Variants in KIAA1549 observed in about 807,000 individuals in gnomAD.
The protein encoded by KIAA1549 is KIAA1549.
In KIAA1549, 70 loss-of-function variants were observed where a neutral mutation model predicts 156.4. The ratio of observed to expected loss-of-function variants is 0.45; its 90% CI spans 0.37 to 0.55. The LOEUF is 0.55. KIAA1549 is among the 20% of genes least tolerant of loss of function. The pLI is 0.00. For missense variants in KIAA1549, 2,428 were observed against 2,540.9 expected, an observed-to-expected ratio of 0.96 and a Z score of 0.96; for synonymous variants, 1,103 against 1,066.4, an observed-to-expected ratio of 1.03 and a Z score of -0.67.
chr7:138,862,567 C>G (rs1236691644), intron 15 of KIAA1549, among the ~76,000 whole-genome samples: 5 of 150,216 alleles, frequency 3.3e-5, no homozygotes, highest in African/African-American at 1.2e-4. Flanking sequence ...ATTACAATAT[C>G]TATTTTATGA....
intron 16 of KIAA1549, among the ~76,000 whole-genome samples, chr7:138,854,174 C>T (rs1219517644): frequency 6.6e-6 from 1 of 152,180 alleles, no homozygotes; most frequent in African/African-American, 2.4e-5. Context: ...TTTCAATCAG[C>T]TAGGTATATA....
In KIAA1549 at chr7:138,892,114, G is replaced by A. The variant is rs745959884; in HGVS notation, c.4032+2228C>T. ...TGTAAACCTGTTGTCAGGATGTATGGGCAGGTCTTTGCAGCCCTGAAGGAA... is the reference window on the plus strand; with the variant it reads ...TGTAAACCTGTTGTCAGGATGTATGAGCAGGTCTTTGCAGCCCTGAAGGAA... On this transcript the variant is annotated intron_variant, in intron 10 of 19. Coordinates refer to ENST00000422774, the MANE Select transcript of KIAA1549 (RefSeq NM_001164665.2). 1.5e-4 allele frequency among the ~76,000 whole-genome samples: 23 copies of A among 152,124 alleles called. 1 individual carries two copies. The highest frequency in any genetic ancestry group is 6.2e-4 in the South Asian group (3 of 4,832).
intron 10 of KIAA1549, among the ~76,000 whole-genome samples, chr7:138,891,528 C>A (rs1811546494): frequency 6.6e-6 from 1 of 152,170 alleles, no homozygotes; most frequent in South Asian, 2.1e-4. Flanking sequence ...TGAAAATAAG[C>A]AAAGGCTGTG....
intron 11 of KIAA1549, among the ~76,000 whole-genome samples, chr7:138,880,680 T>C (rs1255468323): frequency 1.3e-5 from 2 of 152,172 alleles, no homozygotes; most frequent in Non-Finnish European, 2.9e-5. Flanking sequence ...GTCAACTTAA[T>C]AAACCCGATT....
chr7:138,897,777 T>C (rs13228412), intron 9 of KIAA1549, among the ~76,000 whole-genome samples: 33,066 of 150,524 alleles, frequency 0.22, 3,956 homozygotes, highest in South Asian at 0.41. Context: ...ACTGTGGTCC[T>C]AGCTACTCAG....
intron 12 of KIAA1549, among the ~76,000 whole-genome samples, chr7:138,875,164 T>C (rs1490419889): frequency 3.9e-5 from 6 of 152,224 alleles, no homozygotes; most frequent in African/African-American, 1.4e-4. Context: ...GTGACAGATA[T>C]GCTAATTACC....
intron 1 of KIAA1549, among the ~76,000 whole-genome samples, chr7:138,935,059 A>G (rs1443112235): frequency 6.6e-6 from 1 of 152,108 alleles, no homozygotes; most frequent in Non-Finnish European, 1.5e-5. Flanking sequence ...CACCCCTTCC[A>G]TTTCCTCCTC....
chr7:138,965,887 C>A (rs1814008913), intron 1 of KIAA1549, among the ~76,000 whole-genome samples: 2 of 152,162 alleles, frequency 1.3e-5, no homozygotes, highest in South Asian at 4.1e-4. Context: ...TGATCCTCCA[C>A]CCCTAGCACC....
chr7:138,980,291 A>G (rs902361521), intron 1 of KIAA1549, among the ~76,000 whole-genome samples: 14 of 152,228 alleles, frequency 9.2e-5, no homozygotes, highest in Admixed American at 2.0e-4. Flanking sequence ...CTCAGGGTGG[A>G]CAAATAAACA....
At chr7:138,908,901 G>T in intron 5 of KIAA1549, 90 bp downstream of exon 5, 2 of 1,502,976 alleles carry the variant, frequency 1.3e-6, no homozygotes, top group South Asian at 2.4e-5. Context: ...CCACTGGAGG[G>T]AATAAGAGTT....
At position 138,838,024 on chromosome 7, in the gene KIAA1549, G is replaced by A; in HGVS notation, c.5735C>T (p.Thr1912Ile). ...AGGCTGGAGGTCTTCCGTGGAGCTG[G>A]TGGGGTAACCCAGCCCAGGGCCCTG... ...GLQGPGLGYP[T>I]SSTEDLQPGH... Residue 1912 changes from threonine (T) to isoleucine (I), a missense_variant, in exon 20 of 20, where the codon ACC becomes ATC. Thr to Ile is a moderately conservative substitution (Grantham distance 89, BLOSUM62 -1). Around this residue, in one of 5 missense-constraint regions of KIAA1549, gnomAD observed 363 missense variants for 354.0 expected, o/e 1.03. Transcript: ENST00000422774. The A allele has an allele frequency of 6.2e-7, 1 of 1,609,554 alleles. No individual in the cohort carries two copies. Among genetic ancestry groups the A allele is most frequent in the Non-Finnish European group, 8.5e-7 (1 of 1,178,150 alleles).
At position 138,834,613 on chromosome 7, in the gene KIAA1549, G is replaced by A. The variant is rs1464950729; in HGVS notation, c.*3293C>T. 4.3e-6 allele frequency: 1 copy of A among 231,480 alleles called. No individual in the cohort carries two copies. Among genetic ancestry groups the A allele is most frequent in the African/African-American group, 2.2e-5 (1 of 45,224 alleles). 14.3% of individuals were successfully genotyped at this position (231,480 alleles called of 1,614,324 possible). A position where few individuals can be genotyped will look rare whatever the true frequency, so the allele number is the denominator to read the frequency against. ...ACCAGAAAGTCGGGAGCAGAAAGATGCTTAATAAATGCAATCGGAAAATTG... is the reference window on the plus strand; with the variant it reads ...ACCAGAAAGTCGGGAGCAGAAAGATACTTAATAAATGCAATCGGAAAATTG... On this transcript the variant is annotated 3_prime_UTR_variant, in exon 20 of 20. Coordinates refer to ENST00000422774, the MANE Select transcript of KIAA1549 (RefSeq NM_001164665.2).
At chr7:138,973,361 G>C (rs1379379170) in intron 1 of KIAA1549, among the ~76,000 whole-genome samples, 3 of 152,266 alleles carry the variant, frequency 2.0e-5, no homozygotes, top group South Asian at 4.2e-4. Context: ...AGGTGATTCT[G>C]ATCAGTTGGC....
At chr7:138,979,845 T>C (rs1175078358) in intron 1 of KIAA1549, among the ~76,000 whole-genome samples, 1 of 152,224 alleles carries the variant, frequency 6.6e-6, no homozygotes, top group Non-Finnish European at 1.5e-5. Context: ...GATATGTCTA[T>C]GGGCCAAGAG....
At chr7:138,968,490 G>A (rs970255156) in intron 1 of KIAA1549, among the ~76,000 whole-genome samples, 1 of 152,156 alleles carries the variant, frequency 6.6e-6, no homozygotes, top group African/African-American at 2.4e-5. Context: ...CTAGAGGTCA[G>A]ATAGTCAACA....
chr7:138,960,458 G>A (rs1469001160), intron 1 of KIAA1549, among the ~76,000 whole-genome samples: 1 of 151,490 alleles, frequency 6.6e-6, no homozygotes, highest in African/African-American at 2.4e-5. Flanking sequence ...ACAGGCACCC[G>A]CCACTATGCC....
At chr7:138,938,220 C>T (rs1278458313) in intron 1 of KIAA1549, among the ~76,000 whole-genome samples, 6 of 152,198 alleles carry the variant, frequency 3.9e-5, no homozygotes, top group African/African-American at 1.2e-4. Context: ...CTATGATCTC[C>T]ATCTTGGACT....
At position 138,871,360 on chromosome 7, in the gene KIAA1549, G is replaced by T; in HGVS notation, c.4348C>A (p.Pro1450Thr). Reference sequence around the variant, plus strand: ...TCATTTCCCGAACTGGGCAGTGGTGGCCCTGGAACAGAAGGAAAAGCAAAA... The same window carrying T: ...TCATTTCCCGAACTGGGCAGTGGTGTCCCTGGAACAGAAGGAAAAGCAAAA... The part of the protein sequence containing the change: ...GRSHRAPQSG[P>T]PLPSSGNEQH... Residue 1450 changes from proline (P) to threonine (T), a missense_variant and splice_region_variant, in exon 13 of 20, where the codon CCA becomes ACA. Physicochemically the swap from Pro to Thr is conservative, Grantham distance 38. This residue lies in a region of KIAA1549 where 404 missense variants were observed against 417.0 expected (regional missense o/e 0.97). Coordinates refer to ENST00000422774, the MANE Select transcript of KIAA1549 (RefSeq NM_001164665.2). The T allele has an allele frequency of 1.3e-6, 2 of 1,516,902 alleles. No individual in the cohort carries two copies. The highest frequency in any genetic ancestry group is 1.8e-6 in the Non-Finnish European group (2 of 1,134,538). The allele number at this position is 1,516,902 out of a possible 1,614,324, so 94.0% of individuals were successfully genotyped here.
chr7:138,973,103 T>C lies in KIAA1549; in HGVS notation c.187+7980A>G, dbSNP rs546902349. On this transcript the variant is annotated intron_variant, in intron 1 of 19. Coordinates refer to ENST00000422774, the MANE Select transcript of KIAA1549 (RefSeq NM_001164665.2). ...TCCCAAAGTGCTGGGATTACAGGCA[T>C]GAGCCACCGCGCCCAGCCCAGTCAC... 1.1e-4 allele frequency among the ~76,000 whole-genome samples: 16 copies of C among 152,330 alleles called. No individual in the cohort carries two copies. In the South Asian group the frequency reaches 3.3e-3, roughly 32 times the overall value.
Sources: allele counts gnomAD v4.1 joint callset (sites outside exome capture counted in the v4.1 genomes callset), GRCh38; gene constraint gnomAD v4.1.1; regional missense constraint gnomAD v4.1.1; transcripts MANE v1.5; gene names NCBI Gene and HGNC (gene_info 2026-07-23, HGNC 2026-07-21).